The following CIB2 variants were observed in gnomAD, a reference collection of about 807,000 sequenced individuals.
CIB2 encodes calcium and integrin binding family member 2.
A neutral mutation model predicts 23.1 loss-of-function variants in CIB2; 19 were observed. The observed-to-expected ratio is 0.82, with a 90% CI of 0.57 to 1.21. The LOEUF (loss-of-function observed/expected upper bound fraction) is 1.21, where lower values mean the gene tolerates loss of function less well. CIB2 is among the 50% of genes most tolerant of loss of function. The pLI, the probability that CIB2 is intolerant of heterozygous loss-of-function variation, is 0.00. For synonymous variants in CIB2, 94 were observed against 91.7 expected, an observed-to-expected ratio of 1.03 and a Z score of -0.14; for missense variants, 220 against 241.5, an observed-to-expected ratio of 0.91 and a Z score of 0.59.
At position 78,131,429 on chromosome 15, in the gene CIB2, G is replaced by A. The variant is rs566097906; in HGVS notation, c.-214C>T. 0.028 allele frequency: 5,457 copies of A among 194,860 alleles called. 100 individuals carry two copies. Among genetic ancestry groups the A allele is most frequent in the Non-Finnish European group, 0.039 (3,931 of 100,396 alleles). The allele number at this position is 194,860 out of a possible 1,614,324, so 12.1% of individuals were successfully genotyped here. A position where few individuals can be genotyped will look rare whatever the true frequency, so the allele number is the denominator to read the frequency against. On this transcript the variant is annotated 5_prime_UTR_variant, in exon 1 of 6. Transcript: ENST00000258930. This position sits in a 1 kb window ranked among gnomAD's most constrained non-coding sequence, Gnocchi z 5.8. ...GGGAACCCGGAGCGGCAGCGACTCC[G>A]CCGCCGGCGGGAAGAGGGCGGGGCA...
rs2074049261 is a variant in CIB2, at chr15:78,105,320, G to A, written c.555C>T (p.Ile185=). ...KAPDFLSTFH[I]RI ...AGCCTCGGCAGTGTCCTCAGATCCG[G>A]ATGTGGAAAGTGCTAGAAAGAGAGA... is the stretch of plus-strand genomic sequence containing the variant. The change falls in exon 6 of 6, where the codon ATC becomes ATT. Residue 185 remains isoleucine (I), a synonymous_variant. Transcript: ENST00000258930. 1.9e-6 allele frequency: 3 copies of A among 1,614,092 alleles called. No homozygotes were observed. Among genetic ancestry groups the A allele is most frequent in the Non-Finnish European group, 2.5e-6 (3 of 1,179,980 alleles).
intron 4 of CIB2, among the ~76,000 whole-genome samples, chr15:78,108,340 A>G (rs990946776): frequency 6.6e-6 from 1 of 152,236 alleles, no homozygotes; most frequent in Middle Eastern, 3.4e-3. Flanking sequence ...TTCAGGTCCA[A>G]GTTGGGTCCC....
chr15:78,128,335 C>T (rs1446728381), intron 1 of CIB2, among the ~76,000 whole-genome samples: 1 of 152,108 alleles, frequency 6.6e-6, no homozygotes, highest in Non-Finnish European at 1.5e-5. Flanking sequence ...TGGCTAGAAG[C>T]CCTTCAGTGT....
chr15:78,120,980 G>A (rs1368454287), intron 2 of CIB2, among the ~76,000 whole-genome samples: 1 of 152,160 alleles, frequency 6.6e-6, no homozygotes, highest in Non-Finnish European at 1.5e-5. Flanking sequence ...CCGGACCTGA[G>A]ATGTGAACAG....
At chr15:78,128,165 C>T (rs2074406230) in intron 1 of CIB2, among the ~76,000 whole-genome samples, 1 of 152,204 alleles carries the variant, frequency 6.6e-6, no homozygotes, top group Admixed American at 6.5e-5. Context: ...ATGTGTCAGG[C>T]TCCCTGAGTA....
intron 1 of CIB2, among the ~76,000 whole-genome samples, chr15:78,125,526 T>A (rs1276037414): frequency 6.6e-6 from 1 of 152,122 alleles, no homozygotes; most frequent in Non-Finnish European, 1.5e-5. Flanking sequence ...ACTTCCCCTA[T>A]AACCCTGCTC....
chr15:78,111,247 G>A lies in CIB2; in HGVS notation c.116C>T (p.Pro39Leu). 2 of 1,614,154 alleles carry A rather than the reference G, an allele frequency of 1.2e-6. No individual in the cohort carries two copies. The highest frequency in any genetic ancestry group is 1.7e-6 in the Non-Finnish European group (2 of 1,180,014). Residue 39 changes from proline (P) to leucine (L), a missense_variant, in exon 3 of 6, where the codon CCC becomes CTC. By Grantham distance (98) the Pro-to-Leu change is moderately conservative. Transcript: ENST00000258930. ...CCTGTAGTCCATTGGGACGAGGTTG[G>A]GGGCCAGCTCATAGAATCGCGAATG... Reference protein sequence around the residue: ...KLHSRFYELAPNLVPMDYRKS... With the variant: ...KLHSRFYELALNLVPMDYRKS...
chr15:78,113,829 T>C (rs948705220), intron 2 of CIB2, among the ~76,000 whole-genome samples: 1 of 152,218 alleles, frequency 6.6e-6, no homozygotes, highest in African/African-American at 2.4e-5. Flanking sequence ...TCATAATTCA[T>C]GCATCTGGTA....
chr15:78,116,479 A>G (rs975552551), intron 2 of CIB2, among the ~76,000 whole-genome samples: 2 of 151,792 alleles, frequency 1.3e-5, no homozygotes, highest in African/African-American at 2.4e-5. Flanking sequence ...AAAAAAAAAA[A>G]TTATACAGAA....
intron 2 of CIB2, among the ~76,000 whole-genome samples, chr15:78,117,269 A>AAAAAAAAAAAAC (rs2074254609): frequency 7.9e-6 from 1 of 126,436 alleles, no homozygotes; most frequent in Non-Finnish European, 1.8e-5. Flanking sequence ...AAAAAAAAAA[A>AAAAAAAAAAAAC]AAAAAAGTTT....
chr15:78,111,839 G>A (rs953257379), intron 2 of CIB2, among the ~76,000 whole-genome samples: 3 of 152,184 alleles, frequency 2.0e-5, no homozygotes, highest in African/African-American at 7.2e-5. Context: ...TTACACTCCT[G>A]AGGGTCCATC....
chr15:78,115,055 A>G (rs2074217737), intron 2 of CIB2, among the ~76,000 whole-genome samples: 1 of 152,206 alleles, frequency 6.6e-6, no homozygotes, highest in Non-Finnish European at 1.5e-5. Context: ...CATATTAAGC[A>G]AAAAACATTT....
chr15:78,108,175 G>T (rs1409919437), intron 4 of CIB2, among the ~76,000 whole-genome samples: 1 of 142,052 alleles, frequency 7.0e-6, no homozygotes, highest in East Asian at 2.0e-4. Context: ...TTGCACTCCA[G>T]CCTGGGCGAC....
chr15:78,106,580 A>T (rs1185373868), intron 4 of CIB2, among the ~76,000 whole-genome samples: 1 of 152,156 alleles, frequency 6.6e-6, no homozygotes. Flanking sequence ...AGCACAGCAA[A>T]ATGGTTCAGA....
At chr15:78,117,246 C>CAAAAAAAAAAAACAAA (rs2074253303) in intron 2 of CIB2, among the ~76,000 whole-genome samples, 1 of 55,496 alleles carries the variant, frequency 1.8e-5, no homozygotes, top group African/African-American at 8.9e-5. Flanking sequence ...AAGCTACTGG[C>CAAAAAAAAAAAACAAA]AAAAAAAAAA....
chr15:78,120,534 G>C (rs1400243464), intron 2 of CIB2: 23 of 985,074 alleles, frequency 2.3e-5, no homozygotes, highest in Non-Finnish European at 2.8e-5. Context: ...AGCCTAATTA[G>C]GGCACAAGGG....
At chr15:78,108,938 C>T (rs1425133043) in intron 4 of CIB2, among the ~76,000 whole-genome samples, 1 of 150,476 alleles carries the variant, frequency 6.6e-6, no homozygotes, top group East Asian at 1.9e-4. Context: ...CCCTCTTCTC[C>T]AGTCCAAGCC....
Position 78,107,648 on chromosome 15 carries a change from T to C in CIB2, c.346+1587A>G, listed in dbSNP as rs560210066. Among the ~76,000 whole-genome samples the C allele has an allele frequency of 2.0e-5, 3 of 152,272 alleles. No individual in the cohort carries two copies. The East Asian group carries it at 5.8e-4, about 29-fold the overall frequency. On this transcript the variant is annotated intron_variant, in intron 4 of 5. Transcript: ENST00000258930. ...TGTATTCCTGTGCCCACCCGGTCCA[T>C]GCGATCTGCACGCCCCTGTCTTGGG...
At chr15:78,118,016 G>A (rs1173547175) in intron 2 of CIB2, among the ~76,000 whole-genome samples, 1 of 152,150 alleles carries the variant, frequency 6.6e-6, no homozygotes, top group Non-Finnish European at 1.5e-5. Context: ...TGAAAAGCTG[G>A]AAATCTAAAT....
Sources: gnomAD v4.1 joint callset for allele counts (sites outside exome capture counted in the v4.1 genomes callset) on GRCh38, gnomAD v4.1.1 for gene constraint, Gnocchi (gnomAD v3.1) non-coding constraint, MANE v1.5 for transcripts, NCBI Gene and HGNC (gene_info 2026-07-23, HGNC 2026-07-21) for gene names.